The following NAV2 variants were observed in gnomAD, a reference collection of about 807,000 sequenced individuals.
NAV2 encodes helicase, APC down-regulated 1.
In NAV2, 54 loss-of-function variants were observed where a neutral mutation model predicts 223.2. The ratio of observed to expected loss-of-function variants is 0.24; its 90% confidence interval spans 0.19 to 0.30. NAV2 has a LOEUF of 0.30. Ranked by LOEUF, NAV2 falls within the 10% of genes least tolerant of loss-of-function variation. NAV2 has a pLI of 1.00. For synonymous variants in NAV2, 1,279 were observed against 1,239.3 expected, an observed-to-expected ratio of 1.03 and a Z score of -0.67; for missense variants, 2,806 against 3,147.5, an observed-to-expected ratio of 0.89 and a Z score of 2.60.
At chr11:19,427,953 T>G (rs1850898485) in intron 1 of NAV2, among the ~76,000 whole-genome samples, 1 of 152,094 alleles carries the variant, frequency 6.6e-6, no homozygotes, top group Admixed American at 6.6e-5. Flanking sequence ...CCCGCTAGTT[T>G]GTTTTTTGTG....
At chr11:19,584,247 G>T (rs1381472367) in intron 1 of NAV2, among the ~76,000 whole-genome samples, 2 of 151,564 alleles carry the variant, frequency 1.3e-5, no homozygotes, top group East Asian at 3.9e-4. Context: ...TTTTTTATTG[G>T]GTCTATTCGA....
chr11:19,968,916 C>A (rs547065184), intron 10 of NAV2, among the ~76,000 whole-genome samples: 1 of 152,054 alleles, frequency 6.6e-6, no homozygotes, highest in Non-Finnish European at 1.5e-5. Context: ...TGTTCCCAAC[C>A]GCCTTGGCTT....
intron 11 of NAV2, among the ~76,000 whole-genome samples, chr11:19,994,832 G>A (rs758621128): frequency 6.6e-6 from 1 of 152,170 alleles, no homozygotes. Context: ...CCAGATAGAA[G>A]CTTTCAATGT....
chr11:19,955,036 G>A (rs2449499), intron 10 of NAV2, among the ~76,000 whole-genome samples: 137,586 of 151,574 alleles, frequency 0.91, 62,544 homozygotes, highest in East Asian at 0.98. Context: ...CTAAAGGTTA[G>A]GGTCAAATCT....
Position 19,401,116 on chromosome 11 carries a change from G to A in NAV2, c.75+50089G>A, listed in dbSNP as rs540414193. 7.9e-5 allele frequency among the ~76,000 whole-genome samples: 12 copies of A among 152,284 alleles called. No individual in the cohort carries two copies. In the South Asian group the frequency reaches 2.5e-3, roughly 32 times the overall value. On this transcript the variant is annotated intron_variant, in intron 1 of 37. Coordinates refer to the NAV2 transcript ENST00000360655. ...ATTTAGGAAACAATCAATGCTCTCA[G>A]TGCTTCTAGAGACGTTTGTGGGTTG... is the stretch of plus-strand genomic sequence containing the variant.
chr11:20,043,567 G>A (rs1157743524), intron 12 of NAV2, among the ~76,000 whole-genome samples: 5 of 151,988 alleles, frequency 3.3e-5, no homozygotes, highest in South Asian at 2.1e-4. Flanking sequence ...TCAACCACCC[G>A]AGTGGGTAGA....
chr11:19,932,937 C>T (rs1016819373), intron 6 of NAV2, among the ~76,000 whole-genome samples: 2 of 152,206 alleles, frequency 1.3e-5, no homozygotes, highest in Admixed American at 6.5e-5. Context: ...CATGCTTTCA[C>T]GTGGCACATG....
At chr11:20,066,425 A>G (rs2059045840) in intron 20 of NAV2, among the ~76,000 whole-genome samples, 1 of 152,220 alleles carries the variant, frequency 6.6e-6, no homozygotes, top group Non-Finnish European at 1.5e-5. Flanking sequence ...GACTTTATAC[A>G]AGACATTTAA....
chr11:20,115,111 C>T (rs550000561), intron 37 of NAV2, among the ~76,000 whole-genome samples: 2 of 152,200 alleles, frequency 1.3e-5, no homozygotes, highest in South Asian at 4.2e-4. Flanking sequence ...CTATTACCTA[C>T]TATCCTATTA....
At chr11:19,951,575 C>T (rs1324766924) in intron 10 of NAV2, among the ~76,000 whole-genome samples, 1 of 3,322 alleles carries the variant, frequency 3.0e-4, no homozygotes, top group East Asian at 0.042. Flanking sequence ...GTTTTTGTAT[C>T]CTGTAATAGT....
chr11:19,721,435 A>G (rs982546563), intron 1 of NAV2, among the ~76,000 whole-genome samples: 3 of 152,218 alleles, frequency 2.0e-5, no homozygotes, highest in African/African-American at 7.2e-5. Context: ...CTGATTCTAG[A>G]CAGAGGAAGG....
At chr11:19,531,089 T>C (rs930285233) in intron 1 of NAV2, among the ~76,000 whole-genome samples, 1 of 152,250 alleles carries the variant, frequency 6.6e-6, no homozygotes, top group African/African-American at 2.4e-5. Context: ...TATGTATTTA[T>C]GTATTTATTG....
At chr11:19,995,296 T>C (rs2051759283) in intron 11 of NAV2, among the ~76,000 whole-genome samples, 1 of 152,244 alleles carries the variant, frequency 6.6e-6, no homozygotes, top group African/African-American at 2.4e-5. Context: ...AGGGACTCTG[T>C]GAACTGTTTG....
Position 19,933,243 on chromosome 11 carries a change from C to A in NAV2, c.999C>A (p.Ser333Arg). The A allele has an allele frequency of 6.3e-7, 1 of 1,597,660 alleles. No individual in the cohort carries two copies. The change falls in exon 7 of 38, where the codon AGC (serine) becomes AGA (arginine). Residue 333 changes from serine to arginine, a missense_variant. By Grantham distance (110) the Ser-to-Arg change is moderately radical. Transcript: ENST00000349880. This position sits in a 1 kb window ranked among gnomAD's most constrained non-coding sequence, Gnocchi z 4.3. Reference sequence around the variant, plus strand: ...ACAATGCACCTGCTTCCTTGGAGAGCGGCAGCAGCTCCACCCCTACTAATT... The same window carrying A: ...ACAATGCACCTGCTTCCTTGGAGAGAGGCAGCAGCTCCACCCCTACTAATT... ...MSDNAPASLE[S>R]GSSSTPTNCS...
At chr11:19,944,587 T>TTTTCC (rs908494293) in intron 8 of NAV2, among the ~76,000 whole-genome samples, 4 of 150,828 alleles carry the variant, frequency 2.7e-5, no homozygotes, top group East Asian at 2.0e-4. Flanking sequence ...TCCATTTCCA[T>TTTTCC]TTTCCTTTCC....
At chr11:19,761,884 T>C (rs1293505273) in intron 1 of NAV2, among the ~76,000 whole-genome samples, 3 of 152,192 alleles carry the variant, frequency 2.0e-5, no homozygotes, top group Non-Finnish European at 4.4e-5. Flanking sequence ...GTCCAAACCA[T>C]CTGCATCCTT....
At chr11:20,073,716 C>T (rs111311648) in intron 22 of NAV2, among the ~76,000 whole-genome samples, 47,862 of 151,642 alleles carry the variant, frequency 0.32, 8,268 homozygotes, top group African/African-American at 0.46. Flanking sequence ...TTCTAGTTTG[C>T]TTACGTAGAG....
intron 1 of NAV2, among the ~76,000 whole-genome samples, chr11:19,717,625 A>T (rs2050408845): frequency 6.6e-6 from 1 of 152,268 alleles, no homozygotes; most frequent in African/African-American, 2.4e-5. Flanking sequence ...ATGAAGAGAA[A>T]GAACAAAGGC....
chr11:19,990,542 C>T (rs2153463745), intron 11 of NAV2, among the ~76,000 whole-genome samples: 1 of 152,184 alleles, frequency 6.6e-6, no homozygotes, highest in Middle Eastern at 3.4e-3. Context: ...CATTACCTCC[C>T]CTCTCTACTT....
Sources: gnomAD v4.1 joint callset for allele counts (sites outside exome capture counted in the v4.1 genomes callset) on GRCh38, gnomAD v4.1.1 for gene constraint, Gnocchi (gnomAD v3.1) non-coding constraint, MANE v1.5 for transcripts, NCBI Gene and HGNC (gene_info 2026-07-23, HGNC 2026-07-21) for gene names.